The following LMX1B variants were observed in gnomAD, a reference collection of about 807,000 sequenced individuals.
LMX1B encodes LIM homeobox transcription factor 1 beta.
In LMX1B, 12 loss-of-function variants were observed where a neutral mutation model predicts 51.4. The ratio of observed to expected loss-of-function variants is 0.23; its 90% CI spans 0.15 to 0.38. The LOEUF is 0.38. LMX1B is among the 10% of genes least tolerant of loss of function. LMX1B has a pLI of 1.00. For missense variants in LMX1B, 445 were observed against 571.1 expected, an observed-to-expected ratio of 0.78 and a Z score of 2.25; for synonymous variants, 237 against 235.4, an observed-to-expected ratio of 1.01 and a Z score of -0.06.
chr9:126,652,914 C>A (rs1226455240), intron 2 of LMX1B, among the ~76,000 whole-genome samples: 1 of 152,090 alleles, frequency 6.6e-6, no homozygotes, highest in Non-Finnish European at 1.5e-5. Flanking sequence ...AGAAAAGAGC[C>A]TGTGGAGAGG....
Position 126,692,344 on chromosome 9 carries a change from C to T in LMX1B, c.560-798C>T, listed in dbSNP as rs533862159. Among the ~76,000 whole-genome samples, 11 of 152,324 alleles carry T rather than the reference C, an allele frequency of 7.2e-5. No individual in the cohort carries two copies. The East Asian group carries it at 1.5e-3, about 21-fold the overall frequency. On this transcript the variant is annotated intron_variant, in intron 3 of 7. Transcript: ENST00000373474. The stretch of plus-strand genomic sequence containing the variant: ...GAAAGGAGACCAGCCTGGGGGGCAG[C>T]GGGAGGCCCAGTGGTGGCTGGGGAG...
chr9:126,694,532 G>A (rs2030258583), intron 6 of LMX1B, among the ~76,000 whole-genome samples: 1 of 152,218 alleles, frequency 6.6e-6, no homozygotes, highest in African/African-American at 2.4e-5. Flanking sequence ...CTTGAGCCAG[G>A]GCTGGTCTCC....
intron 2 of LMX1B, among the ~76,000 whole-genome samples, chr9:126,674,121 A>T (rs1836511525): frequency 6.6e-6 from 1 of 152,000 alleles, no homozygotes; most frequent in South Asian, 2.1e-4. Flanking sequence ...TCTAGTTCTG[A>T]GTCAGGGACA....
At chr9:126,644,228 A>G (rs957499788) in intron 2 of LMX1B, among the ~76,000 whole-genome samples, 1 of 152,188 alleles carries the variant, frequency 6.6e-6, no homozygotes, top group African/African-American at 2.4e-5. Context: ...AGTCTCCCCC[A>G]TCAGCTCAGC....
At chr9:126,665,992 T>C (rs1483482726) in intron 2 of LMX1B, among the ~76,000 whole-genome samples, 1 of 152,348 alleles carries the variant, frequency 6.6e-6, no homozygotes, top group East Asian at 1.9e-4. Flanking sequence ...AGGAGGCCTC[T>C]CATCACAGCT....
intron 2 of LMX1B, among the ~76,000 whole-genome samples, chr9:126,684,102 A>G (rs546107049): frequency 1.3e-5 from 2 of 152,112 alleles, no homozygotes; most frequent in African/African-American, 4.8e-5. Flanking sequence ...GCCGGTGGGA[A>G]CAGAAGGGCT....
intron 2 of LMX1B, among the ~76,000 whole-genome samples, chr9:126,660,958 A>T (rs981050017): frequency 3.9e-5 from 6 of 152,194 alleles, no homozygotes; most frequent in Non-Finnish European, 7.3e-5. Context: ...AGGAGTGCTC[A>T]ACCAGTCAAG....
chr9:126,695,726 C>A lies in LMX1B; in HGVS notation c.887-113C>A. On this transcript the variant is annotated intron_variant, in intron 6 of 7. Coordinates refer to ENST00000373474, the MANE Select transcript of LMX1B (RefSeq NM_001174147.2). The surrounding 1 kb of genome is among the most constrained non-coding windows in gnomAD (Gnocchi z 5.2). ...TGGGGAGTCAGTGTCTGGACAGCTT[C>A]AGCCAGAGTGGGGTGCCTGGGGAGT... The A allele has an allele frequency of 8.1e-7, 1 of 1,228,686 alleles. No homozygotes were observed. Among genetic ancestry groups the A allele is most frequent in the Non-Finnish European group, 1.2e-6 (1 of 855,762 alleles). 76.1% of individuals were successfully genotyped at this position (1,228,686 alleles called of 1,614,324 possible). A position where few individuals can be genotyped will look rare whatever the true frequency, so the allele number is the denominator to read the frequency against.
At chr9:126,652,002 G>C (rs996896664) in intron 2 of LMX1B, among the ~76,000 whole-genome samples, 4 of 151,742 alleles carry the variant, frequency 2.6e-5, no homozygotes, top group Admixed American at 1.3e-4. Flanking sequence ...GCCAGAGATG[G>C]GGGGGGGCCT....
At chr9:126,634,006 G>A (rs567070886) in intron 2 of LMX1B, among the ~76,000 whole-genome samples, 50 of 152,070 alleles carry the variant, frequency 3.3e-4, no homozygotes, top group African/African-American at 1.1e-3. Context: ...TTGATGCCTC[G>A]GGGATACACC....
At chr9:126,690,730 C>T (rs144076261) in intron 2 of LMX1B, 106 bp from the exon 3 acceptor site, 11,765 of 974,320 alleles carry the variant, frequency 0.012, 120 homozygotes, top group South Asian at 0.028. Flanking sequence ...CTCCCTCCCA[C>T]CTGGGCCTGA....
chr9:126,616,406 G>A (rs914917250), intron 2 of LMX1B, among the ~76,000 whole-genome samples: 8 of 152,206 alleles, frequency 5.3e-5, no homozygotes, highest in African/African-American at 1.4e-4. Context: ...TTGTATGGCC[G>A]GGGTTGGGGA....
chr9:126,663,312 C>A (rs1836280200), intron 2 of LMX1B, among the ~76,000 whole-genome samples: 1 of 151,680 alleles, frequency 6.6e-6, no homozygotes, highest in Non-Finnish European at 1.5e-5. Flanking sequence ...GTAGTCCCAG[C>A]TACTCAGGAG....
At chr9:126,679,258 A>C (rs1836626932) in intron 2 of LMX1B, among the ~76,000 whole-genome samples, 1 of 152,228 alleles carries the variant, frequency 6.6e-6, no homozygotes, top group Non-Finnish European at 1.5e-5. Flanking sequence ...GGCACAGAAC[A>C]AGTAGCTAAG....
chr9:126,619,728 G>A (rs542855022), intron 2 of LMX1B, among the ~76,000 whole-genome samples: 50 of 152,286 alleles, frequency 3.3e-4, no homozygotes, highest in South Asian at 2.1e-3. Context: ...GCTGCTGAAC[G>A]GAGGCATTAT....
chr9:126,658,731 T>G lies in LMX1B; in HGVS notation c.327-32105T>G, dbSNP rs1160115816. ...GCAGTTATTTGTCATCCACTTTGCT[T>G]AAGATAAATGCCGAACAAATAATCA... On this transcript the variant is annotated intron_variant, in intron 2 of 7. Transcript: ENST00000373474. This position sits in a 1 kb window ranked among gnomAD's most constrained non-coding sequence, Gnocchi z 4.0. Among the ~76,000 whole-genome samples, 2 of 152,258 alleles carry G rather than the reference T, an allele frequency of 1.3e-5. No homozygotes were observed. Among genetic ancestry groups the G allele is most frequent in the African/African-American group, 4.8e-5 (2 of 41,474 alleles).
rs1308121314 is a variant in LMX1B, at chr9:126,613,966, A to G, written c.-484A>G. Among the ~76,000 whole-genome samples, 3 of 145,180 alleles carry G rather than the reference A, an allele frequency of 2.1e-5. No homozygotes were observed. Among genetic ancestry groups the G allele is most frequent in the South Asian group, 2.1e-4 (1 of 4,750 alleles). ...AACCCGGCGGCTCAGCGGGCGCACC[A>G]TGGCACTGGAGTAGCGCGGGGAGCG... On this transcript the variant is annotated 5_prime_UTR_variant, in exon 1 of 8. An upstream start codon of the reference 5' UTR is lost. Coordinates refer to ENST00000373474, the MANE Select transcript of LMX1B (RefSeq NM_001174147.2). This position sits in a 1 kb window ranked among gnomAD's most constrained non-coding sequence, Gnocchi z 4.5.
At chr9:126,663,471 T>G (rs1403031601) in intron 2 of LMX1B, among the ~76,000 whole-genome samples, 1 of 151,836 alleles carries the variant, frequency 6.6e-6, no homozygotes, top group Non-Finnish European at 1.5e-5. Context: ...GCAGAGGGAC[T>G]TGGGTTCAAA....
intron 2 of LMX1B, among the ~76,000 whole-genome samples, chr9:126,628,416 G>T (rs1835572114): frequency 1.3e-5 from 2 of 152,212 alleles, no homozygotes; most frequent in Non-Finnish European, 2.9e-5. Flanking sequence ...GGGGAAAAAA[G>T]AGTTTGATAT....
Sources: allele counts gnomAD v4.1 joint callset (sites outside exome capture counted in the v4.1 genomes callset), GRCh38; gene constraint gnomAD v4.1.1; non-coding constraint Gnocchi (gnomAD v3.1); transcripts MANE v1.5; gene names NCBI Gene and HGNC (gene_info 2026-07-23, HGNC 2026-07-21).